Variants in TMEM91 observed in about 807,000 individuals in gnomAD.
The protein encoded by TMEM91 is dispanin subfamily C member 3.
Under a neutral mutation model 13.3 loss-of-function variants are expected in TMEM91, and 6 were observed. That is an observed-to-expected ratio of 0.45 (90% confidence interval 0.25 to 0.89). TMEM91 has a LOEUF of 0.89. Ranked by LOEUF, TMEM91 falls within the 40% of genes least tolerant of loss-of-function variation. The pLI is 0.19. For missense variants in TMEM91, 193 were observed against 228.7 expected (o/e 0.84, Z 1.01); for synonymous variants, 87 against 101.7 (o/e 0.86, Z 0.87).
At chr19:41,377,087 G>A (rs1219574759) in intron 1 of TMEM91, 2 of 153,790 alleles carry the variant, frequency 1.3e-5, no homozygotes, top group East Asian at 1.9e-4. Flanking sequence ...TGTTTATGGG[G>A]GCGAGGTGTG....
At chr19:41,382,672 C>T in intron 2 of TMEM91, 100 bp from the exon 3 acceptor site, 1 of 1,465,076 alleles carries the variant, frequency 6.8e-7, no homozygotes, top group Non-Finnish European at 9.2e-7. Context: ...TCTGGGGAAG[C>T]CCTAGGGGCA....
intron 1 of TMEM91, 88 bp from the exon 2 acceptor site, chr19:41,378,193 C>A: frequency 1.0e-6 from 1 of 998,008 alleles, no homozygotes; most frequent in Non-Finnish European, 1.5e-6. Context: ...ACTAACTAGT[C>A]TCTGCCTGAG....
At chr19:41,374,719 C>T (rs958898621), upstream of TMEM91, among the ~76,000 whole-genome samples, 3 of 152,016 alleles carry the variant, frequency 2.0e-5, no homozygotes, top group East Asian at 3.9e-4. Flanking sequence ...AATGGTGGCT[C>T]ACACCTGTAA....
upstream of TMEM91, among the ~76,000 whole-genome samples, chr19:41,375,273 CTTTTTTTTTTTTTT>C (rs906641411): frequency 8.5e-5 from 5 of 58,646 alleles, no homozygotes; most frequent in African/African-American, 2.8e-4. Flanking sequence ...ATTTTCTTTT[CTTTTTTTTTTTTTT>C]TTTTTTTTTT....
At chr19:41,378,673 C>T (rs541023548) in intron 2 of TMEM91, among the ~76,000 whole-genome samples, 154 bp downstream of exon 2, 2 of 152,268 alleles carry the variant, frequency 1.3e-5, no homozygotes, top group African/African-American at 2.4e-5. Flanking sequence ...TTTCCAGTTA[C>T]GGTTCTTCTT....
chr19:41,383,100 C>T lies in TMEM91; in HGVS notation c.360+179C>T. The T allele has an allele frequency of 3.5e-6, 3 of 846,314 alleles. No homozygotes were observed. In the South Asian group the frequency reaches 5.1e-5, roughly 14 times the overall value. The allele number at this position is 846,314 out of a possible 1,614,324, so 52.4% of individuals were successfully genotyped here. A position where few individuals can be genotyped will look rare whatever the true frequency, so the allele number is the denominator to read the frequency against. On this transcript the variant is annotated intron_variant, in intron 3 of 3. Transcript: ENST00000392002. Reference sequence around the variant, plus strand: ...TTTGAGTCTCACTTTGTCGCCCAGGCTGGAGTGCAGTGGTACAATCTCGGC... The same window carrying T: ...TTTGAGTCTCACTTTGTCGCCCAGGTTGGAGTGCAGTGGTACAATCTCGGC...
At chr19:41,365,916 G>A (rs981999620) in intron 1 of TMEM91, among the ~76,000 whole-genome samples, 2 of 151,110 alleles carry the variant, frequency 1.3e-5, no homozygotes, top group Non-Finnish European at 2.9e-5. Context: ...CCACCATGTT[G>A]GTCAGGCTGG....
chr19:41,375,273 CTTTTTTTTT>C (rs906641411), upstream of TMEM91, among the ~76,000 whole-genome samples: 9 of 58,658 alleles, frequency 1.5e-4, no homozygotes, highest in South Asian at 1.2e-3. Flanking sequence ...ATTTTCTTTT[CTTTTTTTTT>C]TTTTTTTTTT....
chr19:41,372,520 AT>A (rs56149683), upstream of TMEM91, among the ~76,000 whole-genome samples: 98,528 of 151,824 alleles, frequency 0.65, 32,806 homozygotes, highest in African/African-American at 0.79. Flanking sequence ...TTTTATTGTT[AT>A]TTATTATTAT....
At chr19:41,364,004 T>A (rs2038465191), upstream of TMEM91, 1 of 207,670 alleles carries the variant, frequency 4.8e-6, no homozygotes, top group South Asian at 6.5e-5. Context: ...CAACCGGGGT[T>A]GTAGTTCATG....
Position 41,377,157 on chromosome 19 carries a change from G to A in TMEM91, c.-30+303G>A, listed in dbSNP as rs139698601. 836 of 155,070 alleles carry A rather than the reference G, an allele frequency of 5.4e-3. 11 individuals carry two copies. Among genetic ancestry groups the A allele is most frequent in the African/African-American group, 0.019 (788 of 41,558 alleles). The allele number at this position is 155,070 out of a possible 1,614,324, so 9.6% of individuals were successfully genotyped here. ...GTTGTGTGGAGTCATAGGTGTGTGG[G>A]TGGAGTAGGGCAGGGGTGCCTGGGC... On this transcript the variant is annotated intron_variant, in intron 1 of 3. Coordinates refer to ENST00000392002, the MANE Select transcript of TMEM91 (RefSeq NM_001098821.2).
chr19:41,379,918 G>T (rs925547177), intron 2 of TMEM91, among the ~76,000 whole-genome samples: 2 of 131,330 alleles, frequency 1.5e-5, no homozygotes, highest in African/African-American at 3.0e-5. Context: ...TTTTGAGATG[G>T]AGTTTCACCC....
At chr19:41,369,051 G>A (rs942024419) in intron 1 of TMEM91, among the ~76,000 whole-genome samples, 8 of 152,140 alleles carry the variant, frequency 5.3e-5, no homozygotes, top group Non-Finnish European at 1.0e-4. Context: ...AGAGTTGGAG[G>A]CTACAGTGAG....
intron 2 of TMEM91, 59 bp from the exon 3 acceptor site, chr19:41,382,713 G>C (rs2123207957): frequency 1.3e-6 from 2 of 1,581,896 alleles, no homozygotes; most frequent in South Asian, 1.2e-5. Flanking sequence ...ATGGAGAGCA[G>C]AGCAATGGGG....
upstream of TMEM91, among the ~76,000 whole-genome samples, chr19:41,375,467 A>T (rs1447578835): frequency 1.3e-5 from 2 of 149,854 alleles, no homozygotes; most frequent in Non-Finnish European, 3.0e-5. Flanking sequence ...TTTAGTAGAG[A>T]CAGGGTTTCA....
intron 1 of TMEM91, among the ~76,000 whole-genome samples, chr19:41,364,715 G>A (rs1406581779): frequency 1.3e-5 from 2 of 152,040 alleles, no homozygotes; most frequent in East Asian, 1.9e-4. Flanking sequence ...TTGATTCTGA[G>A]CAAGGAGCGG....
In TMEM91 at chr19:41,376,748, G is replaced by C. The variant is rs2123181714; in HGVS notation, c.-136G>C. ...CAGCGGGCCCGGGGCGCTGAGACCC[G>C]CGTAGAGCAAAGCGCAAGGTCCCAG... On this transcript the variant is annotated 5_prime_UTR_variant, in exon 1 of 4. Coordinates refer to ENST00000392002, the MANE Select transcript of TMEM91 (RefSeq NM_001098821.2). 1 of 151,780 alleles carries C rather than the reference G, an allele frequency of 6.6e-6. No homozygotes were observed. The highest frequency in any genetic ancestry group is 2.4e-5 in the African/African-American group (1 of 41,452). The allele number at this position is 151,780 out of a possible 1,614,324, so 9.4% of individuals were successfully genotyped here.
intron 1 of TMEM91, among the ~76,000 whole-genome samples, chr19:41,368,216 G>A (rs2038558238): frequency 6.6e-6 from 1 of 151,982 alleles, no homozygotes; most frequent in Non-Finnish European, 1.5e-5. Flanking sequence ...TTCTGGACCA[G>A]ACTAGGCAAC....
At chr19:41,367,638 A>G (rs957406850) in intron 1 of TMEM91, among the ~76,000 whole-genome samples, 2 of 152,174 alleles carry the variant, frequency 1.3e-5, no homozygotes, top group African/African-American at 2.4e-5. Flanking sequence ...TCTCAAAAAC[A>G]AAACAAAACA....
Sources: gnomAD v4.1 joint callset for allele counts (sites outside exome capture counted in the v4.1 genomes callset) on GRCh38, gnomAD v4.1.1 for gene constraint, MANE v1.5 for transcripts, NCBI Gene and HGNC (gene_info 2026-07-23, HGNC 2026-07-21) for gene names.